FBXL17: variants seen among roughly 807,000 people sequenced by gnomAD.
FBXL17 encodes the protein F-box/LRR-repeat protein 17.
Under a neutral mutation model 66.2 loss-of-function variants are expected in FBXL17, and 22 were observed. That is an observed-to-expected ratio of 0.33 (90% CI 0.24 to 0.47). The LOEUF (loss-of-function observed/expected upper bound fraction) is 0.47. Among genes scored for constraint, FBXL17 ranks in the 20% least tolerant of loss-of-function variants. The pLI is 1.00. For synonymous variants in FBXL17, 474 were observed against 400.5 expected (o/e 1.18, Z -2.19); for missense variants, 878 against 948.2 (o/e 0.93, Z 0.97).
intron 7 of FBXL17, among the ~76,000 whole-genome samples, chr5:107,963,075 A>G (rs12651919): frequency 0.14 from 20,595 of 152,168 alleles, 1,545 homozygotes; most frequent in East Asian, 0.2. Context: ...TCATACTATC[A>G]AAGATCAAAG....
intron 7 of FBXL17, among the ~76,000 whole-genome samples, chr5:107,902,499 C>T (rs1349855506): frequency 6.6e-6 from 1 of 152,092 alleles, no homozygotes; most frequent in Admixed American, 6.6e-5. Context: ...TATTATCCTA[C>T]CACAGCATTC....
At chr5:108,056,297 T>C (rs1747707132) in intron 6 of FBXL17, among the ~76,000 whole-genome samples, 1 of 152,180 alleles carries the variant, frequency 6.6e-6, no homozygotes, top group Non-Finnish European at 1.5e-5. Flanking sequence ...GACTTGCCTC[T>C]CAAGTGTTAC....
intron 7 of FBXL17, among the ~76,000 whole-genome samples, chr5:107,950,106 A>G (rs533406567): frequency 6.6e-6 from 1 of 152,318 alleles, no homozygotes; most frequent in East Asian, 1.9e-4. Flanking sequence ...GGAAATGTAC[A>G]GCAATTCACA....
chr5:108,224,891 G>A (rs1212348584), intron 4 of FBXL17, among the ~76,000 whole-genome samples: 1 of 152,108 alleles, frequency 6.6e-6, no homozygotes, highest in Middle Eastern at 3.2e-3. Flanking sequence ...GCCTCCCAAA[G>A]TGCTGGGATT....
At chr5:108,364,109 C>T (rs1416838606) in intron 3 of FBXL17, among the ~76,000 whole-genome samples, 1 of 151,872 alleles carries the variant, frequency 6.6e-6, no homozygotes. Context: ...TAGAGTCTTC[C>T]CAAATTTCTT....
chr5:108,118,557 A>C (rs2149961652), intron 6 of FBXL17, among the ~76,000 whole-genome samples: 1 of 152,188 alleles, frequency 6.6e-6, no homozygotes, highest in East Asian at 1.9e-4. Flanking sequence ...GGATGTCATA[A>C]TTTGTTTCCC....
intron 6 of FBXL17, among the ~76,000 whole-genome samples, chr5:108,123,833 C>T (rs186945635): frequency 1.7e-4 from 26 of 152,144 alleles, no homozygotes; most frequent in African/African-American, 5.3e-4. Context: ...CTAAATGATC[C>T]GTCAAAATCA....
intron 6 of FBXL17, among the ~76,000 whole-genome samples, chr5:108,104,348 T>C (rs1265476991): frequency 2.0e-5 from 3 of 152,290 alleles, no homozygotes; most frequent in Admixed American, 6.5e-5. Flanking sequence ...TGCAAACAAA[T>C]ATCAATTTTA....
intron 7 of FBXL17, among the ~76,000 whole-genome samples, chr5:107,934,185 T>G (rs1750822085): frequency 2.0e-5 from 3 of 152,178 alleles, no homozygotes; most frequent in Admixed American, 2.0e-4. Context: ...AAAGAAATTA[T>G]TTTCATTGTG....
intron 7 of FBXL17, among the ~76,000 whole-genome samples, chr5:107,918,317 C>T (rs1257301326): frequency 6.6e-6 from 1 of 152,154 alleles, no homozygotes; most frequent in Non-Finnish European, 1.5e-5. Context: ...ACAGTCGTAA[C>T]CCAGTCAAGG....
At chr5:108,328,079 C>G (rs1246255572) in intron 4 of FBXL17, among the ~76,000 whole-genome samples, 1 of 152,074 alleles carries the variant, frequency 6.6e-6, no homozygotes, top group East Asian at 1.9e-4. Context: ...ACTATCTTCC[C>G]ACAAACCACT....
chr5:107,913,053 T>C (rs1750004222), intron 7 of FBXL17, among the ~76,000 whole-genome samples: 1 of 152,010 alleles, frequency 6.6e-6, no homozygotes, highest in Non-Finnish European at 1.5e-5. Flanking sequence ...AAAGTAGAGA[T>C]CATATTTTAT....
intron 4 of FBXL17, among the ~76,000 whole-genome samples, chr5:108,262,327 T>C (rs1201149886): frequency 6.6e-6 from 1 of 152,028 alleles, no homozygotes; most frequent in African/African-American, 2.4e-5. Context: ...TCCACCCACC[T>C]TGGCCTCCCA....
chr5:108,289,657 T>C (rs371306961), intron 4 of FBXL17, among the ~76,000 whole-genome samples: 49 of 152,120 alleles, frequency 3.2e-4, no homozygotes, highest in African/African-American at 1.2e-3. Flanking sequence ...AATGCTGCCA[T>C]GACATGACAT....
chr5:107,889,147 C>T (rs1461090052), intron 7 of FBXL17, among the ~76,000 whole-genome samples: 3 of 152,112 alleles, frequency 2.0e-5, no homozygotes, highest in South Asian at 2.1e-4. Flanking sequence ...TAGCAGAGTG[C>T]CTCTACCCTT....
At chr5:108,218,311 A>T (rs1458880881) in intron 5 of FBXL17, among the ~76,000 whole-genome samples, 4 of 151,852 alleles carry the variant, frequency 2.6e-5, no homozygotes, top group Non-Finnish European at 5.9e-5. Context: ...CCTGGCCAAC[A>T]TTTTCTTTAT....
intron 6 of FBXL17, among the ~76,000 whole-genome samples, chr5:108,110,588 A>C (rs1749993145): frequency 1.3e-5 from 2 of 152,186 alleles, no homozygotes; most frequent in Admixed American, 1.3e-4. Context: ...GAGGAGAAGA[A>C]GGCACAAGAT....
intron 7 of FBXL17, among the ~76,000 whole-genome samples, chr5:107,947,803 C>T (rs2112601509): frequency 6.6e-6 from 1 of 152,230 alleles, no homozygotes; most frequent in African/African-American, 2.4e-5. Context: ...GCTTAGTAGA[C>T]ATTATCTGTA....
intron 7 of FBXL17, among the ~76,000 whole-genome samples, chr5:107,963,525 A>G (rs1307043636): frequency 1.3e-5 from 2 of 152,142 alleles, no homozygotes; most frequent in African/African-American, 4.8e-5. Context: ...TGGATTCTCT[A>G]GTTAGGAGTT....
Sources: allele counts gnomAD v4.1 joint callset (sites outside exome capture counted in the v4.1 genomes callset), GRCh38; gene constraint gnomAD v4.1.1; transcripts MANE v1.5; gene names NCBI Gene and HGNC (gene_info 2026-07-23, HGNC 2026-07-21).